The following RNPEPL1 variants were observed in gnomAD, a reference collection of about 807,000 sequenced individuals.
RNPEPL1 encodes arginyl aminopeptidase like 1.
A neutral mutation model predicts 69.0 loss-of-function variants in RNPEPL1; 46 were observed. The observed-to-expected ratio is 0.67, with a 90% CI of 0.53 to 0.85. The LOEUF (loss-of-function observed/expected upper bound fraction) is 0.85. RNPEPL1 is among the 40% of genes least tolerant of loss of function. The pLI, the probability that RNPEPL1 is intolerant of heterozygous loss-of-function variation, is 0.00. For missense variants in RNPEPL1, 869 were observed against 992.5 expected (o/e 0.88, Z 1.67); for synonymous variants, 525 against 454.1 (o/e 1.16, Z -1.98).
At position 240,572,429 on chromosome 2, in the gene RNPEPL1, T is replaced by C; in HGVS notation, c.535T>C (p.Trp179Arg). ...YTSTDAPAIW[W>R]LDPELTYGCA... The stretch of plus-strand genomic sequence containing the variant: ...TGGGCCATCCTGCCCACAGATCTGG[T>C]GGCTGGACCCAGAGCTGACCTATGG... The change falls in exon 2 of 11, where the codon TGG (tryptophan) becomes CGG (arginine). Residue 179 changes from tryptophan (W) to arginine (R), a missense_variant. Coordinates refer to ENST00000270357, the MANE Select transcript of RNPEPL1 (RefSeq NM_018226.6). 6.5e-7 allele frequency: 1 copy of C among 1,536,130 alleles called. No homozygotes were observed. Among genetic ancestry groups the C allele is most frequent in the South Asian group, 1.2e-5 (1 of 84,064 alleles).
chr2:240,572,394 C>T (rs750104152), intron 1 of RNPEPL1, 29 bp from the exon 2 acceptor site: 335 of 1,534,352 alleles, frequency 2.2e-4, no homozygotes, highest in African/African-American at 9.6e-4. Context: ...GCTGGGTGGC[C>T]GTCTGCTGAT....
chr2:240,575,414 CACGCCCTGCA>C, intron 7 of RNPEPL1, 78 bp from the exon 8 acceptor site: 1 of 1,154,662 alleles, frequency 8.7e-7, no homozygotes. Context: ...TACCTTGGCG[CACGCCCTGCA>C]GTGCCCTGCA....
chr2:240,573,642 C>A, intron 3 of RNPEPL1, 133 bp from the exon 4 acceptor site: 1 of 748,696 alleles, frequency 1.3e-6, no homozygotes, highest in Non-Finnish European at 2.1e-6. Context: ...GCAGGGCGGG[C>A]TGTAGGCTGG....
intron 8 of RNPEPL1, chr2:240,575,972 C>T: frequency 3.2e-6 from 1 of 310,124 alleles, no homozygotes; most frequent in Non-Finnish European, 6.3e-6. Context: ...TAAAGGTGTC[C>T]CTGAGGGTCT....
rs765246757 is a variant in RNPEPL1, at chr2:240,568,817, C to T, written c.231C>T (p.Leu77=). 3.0e-5 allele frequency: 33 copies of T among 1,114,522 alleles called. No individual in the cohort carries two copies. In the African/African-American group the frequency reaches 5.1e-4, roughly 17 times the overall value. The allele number at this position is 1,114,522 out of a possible 1,614,324, so 69.0% of individuals were successfully genotyped here. Residue 77 remains leucine (L), a synonymous_variant, in exon 1 of 11, where the codon CTC becomes CTT. Coordinates refer to ENST00000270357, the MANE Select transcript of RNPEPL1 (RefSeq NM_018226.6). The surrounding 1 kb of genome is among the most constrained non-coding windows in gnomAD (Gnocchi z 6.2). ...GGCCCGCGCCCCGCGCGCTCGTGCT[C>T]GACGCGCACCCGGCTCTGCGCCTGC... ...ALRPAPRALV[L]DAHPALRLHS...
At chr2:240,571,099 C>T (rs148284430) in intron 1 of RNPEPL1, among the ~76,000 whole-genome samples, 4 of 152,132 alleles carry the variant, frequency 2.6e-5, no homozygotes, top group South Asian at 2.1e-4. Flanking sequence ...CCCAGCCCCC[C>T]CCAAGGGGGA....
At chr2:240,570,974 G>A (rs1288186473) in intron 1 of RNPEPL1, among the ~76,000 whole-genome samples, 2 of 152,182 alleles carry the variant, frequency 1.3e-5, no homozygotes, top group African/African-American at 4.8e-5. Flanking sequence ...AGCCTGAGAA[G>A]GGCCTCAGGA....
chr2:240,568,658 G>T lies in RNPEPL1; in HGVS notation c.72G>T (p.Pro24=). Reference sequence around the variant, plus strand: ...CGCCCGTCCGCCCGCCGCCCGAGCCGCCGCCCGCCCTGGACGTGGCCTCGG... The same window carrying T: ...CGCCCGTCCGCCCGCCGCCCGAGCCTCCGCCCGCCCTGGACGTGGCCTCGG... ...EAAPVRPPPE[P]PPALDVASAS... Residue 24 remains proline, a synonymous_variant, in exon 1 of 11, where the codon CCG becomes CCT. Coordinates refer to ENST00000270357, the MANE Select transcript of RNPEPL1 (RefSeq NM_018226.6). The surrounding 1 kb of genome is among the most constrained non-coding windows in gnomAD (Gnocchi z 6.2). 3.9e-6 allele frequency: 4 copies of T among 1,014,660 alleles called. No homozygotes were observed. Among genetic ancestry groups the T allele is most frequent in the Non-Finnish European group, 4.7e-6 (4 of 851,906 alleles). The allele number at this position is 1,014,660 out of a possible 1,614,324, so 62.9% of individuals were successfully genotyped here.
At chr2:240,575,237 G>A (rs2093034368) in intron 7 of RNPEPL1, 95 bp downstream of exon 7, 2 of 1,017,316 alleles carry the variant, frequency 2.0e-6, no homozygotes, top group African/African-American at 1.6e-5. Flanking sequence ...AGTTGGGGTG[G>A]AACTGGCAGG....
intron 1 of RNPEPL1, among the ~76,000 whole-genome samples, chr2:240,569,698 C>A: frequency 6.6e-6 from 1 of 152,370 alleles, no homozygotes; most frequent in South Asian, 2.1e-4. Context: ...TGCAGCACCC[C>A]CTCCACCTCC....
chr2:240,574,404 G>T, intron 5 of RNPEPL1, 56 bp downstream of exon 5: 1 of 1,562,646 alleles, frequency 6.4e-7, no homozygotes, highest in Non-Finnish European at 8.7e-7. Context: ...TGGTCCAGGG[G>T]CAGAGAGCCT....
chr2:240,572,663 A>G (rs2093025295), intron 2 of RNPEPL1, 100 bp downstream of exon 2: 10 of 1,408,496 alleles, frequency 7.1e-6, no homozygotes, highest in Admixed American at 2.1e-5. Context: ...CTGTGGCCCC[A>G]GCTGCCAGCA....
Position 240,575,183 on chromosome 2 carries a change from C to T in RNPEPL1, c.1401+41C>T, listed in dbSNP as rs759878343. 4.7e-6 allele frequency: 7 copies of T among 1,477,334 alleles called. No homozygotes were observed. The African/African-American group carries it at 8.3e-5, about 18-fold the overall frequency. The allele number at this position is 1,477,334 out of a possible 1,614,324, so 91.5% of individuals were successfully genotyped here. A position where few individuals can be genotyped will look rare whatever the true frequency, so the allele number is the denominator to read the frequency against. On this transcript the variant is annotated intron_variant, in intron 7 of 10. Transcript: ENST00000270357. ...CCCGGGACGGCCCTGCTGCCATCTG[C>T]CCCCAGCCCCTCCCCGGCTCACAGG... is the stretch of plus-strand genomic sequence containing the variant.
At position 240,576,408 on chromosome 2, in the gene RNPEPL1, C is replaced by T. The variant is rs186710411; in HGVS notation, c.1511-127C>T. 6,953 of 830,294 alleles carry T rather than the reference C, an allele frequency of 8.4e-3. 72 individuals carry two copies. Among genetic ancestry groups the T allele is most frequent in the South Asian group, 0.028 (1,549 of 55,558 alleles). 51.4% of individuals were successfully genotyped at this position (830,294 alleles called of 1,614,324 possible). A position where few individuals can be genotyped will look rare whatever the true frequency, so the allele number is the denominator to read the frequency against. On this transcript the variant is annotated intron_variant, in intron 8 of 10. Coordinates refer to ENST00000270357, the MANE Select transcript of RNPEPL1 (RefSeq NM_018226.6). ...CTGGAGCTGACTCCGCCTTCCTGAA[C>T]AGCCCACGTCCCTGGAACAGGCCAC... is the stretch of plus-strand genomic sequence containing the variant.
chr2:240,576,392 A>C, intron 8 of RNPEPL1, 143 bp from the exon 9 acceptor site: 1 of 699,242 alleles, frequency 1.4e-6, no homozygotes, highest in Admixed American at 2.9e-5. Context: ...GCTGGAGCTG[A>C]CTCCGCCTTC....
At position 240,568,639 on chromosome 2, in the gene RNPEPL1, T is replaced by TCCGCCCG; in HGVS notation, c.61_67dup (p.Glu23AlafsTer283). ...GCGCCCGGCGCCGAGGCCGCGCCCG[T>TCCGCCCG]CCGCCCGCCGCCCGAGCCGCCGCCC... On this transcript the variant is annotated frameshift_variant, in exon 1 of 11. Transcript: ENST00000270357. LOFTEE classifies it high-confidence loss of function. The surrounding 1 kb of genome is among the most constrained non-coding windows in gnomAD (Gnocchi z 6.2). 2 of 998,446 alleles carry TCCGCCCG rather than the reference T, an allele frequency of 2.0e-6. No homozygotes were observed. Among genetic ancestry groups the TCCGCCCG allele is most frequent in the Non-Finnish European group, 2.4e-6 (2 of 843,782 alleles). 61.8% of individuals were successfully genotyped at this position (998,446 alleles called of 1,614,324 possible).
At chr2:240,577,476 C>T (rs2093040979) in intron 10 of RNPEPL1, 123 bp from the exon 11 acceptor site, 1 of 1,133,484 alleles carries the variant, frequency 8.8e-7, no homozygotes. Context: ...GGAGTCCAGG[C>T]CACAGCCCTA....
chr2:240,574,921 C>A, intron 6 of RNPEPL1, 109 bp from the exon 7 acceptor site: 1 of 842,640 alleles, frequency 1.2e-6, no homozygotes, highest in Non-Finnish European at 2.0e-6. Context: ...ATGTGAGGGA[C>A]AGTGGCGCTT....
chr2:240,569,400 A>C (rs931792711), intron 1 of RNPEPL1, among the ~76,000 whole-genome samples: 1 of 152,248 alleles, frequency 6.6e-6, no homozygotes, highest in South Asian at 2.1e-4. Flanking sequence ...CGAGGTGTAC[A>C]TCTGCAGGAT....
Sources: gnomAD v4.1 joint callset for allele counts (sites outside exome capture counted in the v4.1 genomes callset) on GRCh38, gnomAD v4.1.1 for gene constraint, Gnocchi (gnomAD v3.1) non-coding constraint, MANE v1.5 for transcripts, NCBI Gene and HGNC (gene_info 2026-07-23, HGNC 2026-07-21) for gene names.